Variants in CSMD1 observed in about 807,000 individuals in gnomAD.
CSMD1 encodes CUB and sushi domain-containing protein 1.
In CSMD1, 213 loss-of-function variants were observed where a neutral mutation model predicts 417.5. The ratio of observed to expected loss-of-function variants is 0.51; its 90% CI spans 0.46 to 0.57. The LOEUF (loss-of-function observed/expected upper bound fraction) is 0.57, where lower values mean the gene tolerates loss of function less well. Among genes scored for constraint, CSMD1 ranks in the 20% least tolerant of loss-of-function variants. The pLI is 0.00. For synonymous variants in CSMD1, 2,862 were observed against 1,736.8 expected (o/e 1.65, Z -16.11); for missense variants, 6,923 against 4,529.7 (o/e 1.53, Z -15.17).
At chr8:4,374,732 T>G (rs567420816) in intron 3 of CSMD1, among the ~76,000 whole-genome samples, 35 of 152,146 alleles carry the variant, frequency 2.3e-4, no homozygotes, top group Non-Finnish European at 4.6e-4. Context: ...AGACTAAGCA[T>G]GAGCAGCAGA....
intron 20 of CSMD1, among the ~76,000 whole-genome samples, chr8:3,364,119 C>A (rs974768281): frequency 6.6e-6 from 1 of 151,888 alleles, no homozygotes; most frequent in Non-Finnish European, 1.5e-5. Flanking sequence ...TGGGTAAATG[C>A]CTCATTTGTA....
intron 41 of CSMD1, among the ~76,000 whole-genome samples, chr8:3,129,061 C>T (rs536842214): frequency 9.2e-5 from 14 of 152,224 alleles, no homozygotes; most frequent in South Asian, 8.3e-4. Flanking sequence ...TGCTTTCTAA[C>T]GCTCAAAGGC....
chr8:4,853,739 T>C (rs1801621606), intron 1 of CSMD1, among the ~76,000 whole-genome samples: 1 of 152,114 alleles, frequency 6.6e-6, no homozygotes, highest in African/African-American at 2.4e-5. Flanking sequence ...AATCTCGTCA[T>C]GGAAAAGTCA....
chr8:4,344,734 A>G lies in CSMD1; in HGVS notation c.415+75219T>C, dbSNP rs117097243. Among the ~76,000 whole-genome samples, 318 of 152,254 alleles carry G rather than the reference A, an allele frequency of 2.1e-3. 5 individuals carry two copies. In the East Asian group the frequency reaches 0.052, roughly 25 times the overall value. On this transcript the variant is annotated intron_variant, in intron 3 of 69. Coordinates refer to ENST00000635120, the MANE Select transcript of CSMD1 (RefSeq NM_033225.6). ...CATATCCATCATTGAGCAAAAGAAT[A>G]TAAAAGTTGCCATTCACATTTCACC...
At chr8:3,037,268 G>C (rs6997508) in intron 50 of CSMD1, among the ~76,000 whole-genome samples, 42,177 of 145,108 alleles carry the variant, frequency 0.29, 6,969 homozygotes, top group African/African-American at 0.41. Context: ...TGCAGTGGCG[G>C]GATCTCGGCT....
intron 9 of CSMD1, among the ~76,000 whole-genome samples, chr8:3,583,252 TCA>T (rs1800457491): frequency 6.6e-6 from 1 of 151,992 alleles, no homozygotes; most frequent in South Asian, 2.1e-4. Context: ...GAATTTTTAC[TCA>T]CAGAGTCAAC....
At chr8:3,431,781 G>C (rs569965240) in intron 12 of CSMD1, among the ~76,000 whole-genome samples, 118 of 152,220 alleles carry the variant, frequency 7.8e-4, no homozygotes, top group Non-Finnish European at 1.3e-4. Context: ...TTGAAAATTT[G>C]CTCCTATTTA....
chr8:4,054,074 C>T (rs929861164), intron 3 of CSMD1, among the ~76,000 whole-genome samples: 3 of 152,292 alleles, frequency 2.0e-5, no homozygotes, highest in Admixed American at 2.0e-4. Context: ...TCCTATCTCT[C>T]TCTGTCGCAG....
intron 1 of CSMD1, among the ~76,000 whole-genome samples, chr8:4,727,121 C>G (rs889173591): frequency 1.3e-5 from 2 of 152,092 alleles, no homozygotes; most frequent in African/African-American, 4.8e-5. Context: ...CCTTCTGCAG[C>G]TGAATGTAAC....
intron 50 of CSMD1, among the ~76,000 whole-genome samples, chr8:3,040,470 A>C (rs13262920): frequency 0.19 from 28,329 of 148,254 alleles, 3,174 homozygotes; most frequent in Non-Finnish European, 0.25. Flanking sequence ...CTATCTATCT[A>C]TATATATAAA....
intron 4 of CSMD1, among the ~76,000 whole-genome samples, chr8:4,026,788 G>T (rs903973110): frequency 6.6e-6 from 1 of 152,216 alleles, no homozygotes; most frequent in Non-Finnish European, 1.5e-5. Context: ...TAAGTTTGAA[G>T]TTGACAAATG....
At chr8:4,763,371 C>A (rs1368135521) in intron 1 of CSMD1, among the ~76,000 whole-genome samples, 1 of 152,142 alleles carries the variant, frequency 6.6e-6, no homozygotes, top group African/African-American at 2.4e-5. Flanking sequence ...ACAGTCCTTC[C>A]TGTTCTAGGT....
intron 3 of CSMD1, among the ~76,000 whole-genome samples, chr8:4,141,101 C>T (rs572263186): frequency 1.3e-5 from 2 of 151,292 alleles, no homozygotes; most frequent in Non-Finnish European, 2.9e-5. Context: ...ATTTTCAGAT[C>T]TCATAGGTCT....
intron 10 of CSMD1, among the ~76,000 whole-genome samples, chr8:3,504,223 T>G (rs1796728877): frequency 6.7e-6 from 1 of 148,710 alleles, no homozygotes; most frequent in East Asian, 2.0e-4. Context: ...CAGGTACAAT[T>G]ATTATGTATT....
chr8:3,231,290 G>A (rs1171856361), intron 26 of CSMD1, among the ~76,000 whole-genome samples: 2 of 151,920 alleles, frequency 1.3e-5, no homozygotes, highest in African/African-American at 2.4e-5. Flanking sequence ...CCACTCCACT[G>A]CATAAGAGAT....
chr8:4,270,893 A>C (rs144811956), intron 3 of CSMD1, among the ~76,000 whole-genome samples: 1,737 of 152,238 alleles, frequency 0.011, 15 homozygotes, highest in Non-Finnish European at 0.02. Flanking sequence ...TTCCTTCAAC[A>C]AACAACTCAA....
intron 54 of CSMD1, among the ~76,000 whole-genome samples, chr8:2,989,937 C>G (rs751907818): frequency 6.6e-5 from 10 of 152,166 alleles, no homozygotes; most frequent in Non-Finnish European, 1.2e-4. Flanking sequence ...TTGATGGTGT[C>G]TAGCACATCA....
intron 5 of CSMD1, among the ~76,000 whole-genome samples, chr8:3,784,197 G>C (rs1418864570): frequency 1.3e-5 from 2 of 152,168 alleles, no homozygotes; most frequent in African/African-American, 4.8e-5. Flanking sequence ...TGGGAAAGGG[G>C]TGGGTACCCA....
chr8:4,213,750 G>T (rs540868878), intron 3 of CSMD1, among the ~76,000 whole-genome samples: 2 of 152,310 alleles, frequency 1.3e-5, no homozygotes, highest in South Asian at 4.1e-4. Flanking sequence ...GGTAGAACAT[G>T]GCTGAGATGG....
Sources: gnomAD v4.1 joint callset for allele counts (sites outside exome capture counted in the v4.1 genomes callset) on GRCh38, gnomAD v4.1.1 for gene constraint, MANE v1.5 for transcripts, NCBI Gene and HGNC (gene_info 2026-07-23, HGNC 2026-07-21) for gene names.